Variants in ABLIM1 observed in about 807,000 individuals in gnomAD.
ABLIM1 encodes actin-binding LIM protein 1.
ABLIM1 carries 40 observed loss-of-function variants against 107.0 expected under a neutral mutation model. The ratio of observed to expected loss-of-function variants is 0.37; its 90% CI spans 0.29 to 0.49. The LOEUF (loss-of-function observed/expected upper bound fraction) is 0.49, where lower values mean the gene tolerates loss of function less well. Ranked by LOEUF, ABLIM1 falls within the 20% of genes least tolerant of loss-of-function variation. The probability of loss-of-function intolerance (pLI) is 0.97; values close to 1 mark genes in which losing one functional copy is unlikely to be tolerated. For synonymous variants in ABLIM1, 357 were observed against 357.3 expected (o/e 1.00, Z 0.01); for missense variants, 857 against 1,008.5 (o/e 0.85, Z 2.04).
intron 4 of ABLIM1, among the ~76,000 whole-genome samples, chr10:114,558,108 T>C (rs1299297193): frequency 2.0e-5 from 3 of 152,160 alleles, no homozygotes; most frequent in Non-Finnish European, 4.4e-5. Context: ...GTCATTGACT[T>C]TCTGTGCAGC....
chr10:114,687,448 C>G (rs998144856), upstream of ABLIM1, among the ~76,000 whole-genome samples: 1 of 152,216 alleles, frequency 6.6e-6, no homozygotes. Context: ...GAGAACAATT[C>G]TCTTCTGCCT....
At chr10:114,791,321 G>T in the ABLIM1 span, among the ~76,000 whole-genome samples, 5 of 152,108 alleles carry the variant, frequency 3.3e-5, no homozygotes, top group African/African-American at 1.2e-4. Flanking sequence ...GCTTTTAAAG[G>T]CCTCTGCTGG....
chr10:114,432,984 CTA>C lies in ABLIM1; in HGVS notation c.*3274_*3275del, dbSNP rs1185470699. On this transcript the variant is annotated 3_prime_UTR_variant, in exon 23 of 23. Transcript: ENST00000533213. ...TCTCCTAATAAGTCACACAGAAAGACTATGTGATAGCCTGGATTTTCTTGAAG... is the reference window on the plus strand; with the variant it reads ...TCTCCTAATAAGTCACACAGAAAGACTGTGATAGCCTGGATTTTCTTGAAG... 1.3e-5 allele frequency: 2 copies of C among 152,152 alleles called. No individual in the cohort carries two copies. Among genetic ancestry groups the C allele is most frequent in the Non-Finnish European group, 2.9e-5 (2 of 68,028 alleles). The allele number at this position is 152,152 out of a possible 1,614,324, so 9.4% of individuals were successfully genotyped here.
intron 2 of ABLIM1, among the ~76,000 whole-genome samples, chr10:114,585,746 G>A (rs2074117477): frequency 6.6e-6 from 1 of 151,986 alleles, no homozygotes; most frequent in Non-Finnish European, 1.5e-5. Flanking sequence ...CAGGCTCCCG[G>A]CCCCTCTCAG....
chr10:114,771,894 T>C (rs2083028970), upstream of ABLIM1, among the ~76,000 whole-genome samples: 1 of 152,230 alleles, frequency 6.6e-6, no homozygotes, highest in African/African-American at 2.4e-5. Flanking sequence ...TAATTTCTAA[T>C]GGAAGGAAAG....
chr10:114,652,436 T>C (rs2079292676), intron 1 of ABLIM1, among the ~76,000 whole-genome samples: 1 of 152,224 alleles, frequency 6.6e-6, no homozygotes, highest in Admixed American at 6.5e-5. Context: ...GTTCTCTCAC[T>C]TACGTGATAC....
chr10:114,656,921 G>A (rs1405577311), intron 1 of ABLIM1, among the ~76,000 whole-genome samples: 1 of 152,214 alleles, frequency 6.6e-6, no homozygotes, highest in African/African-American at 2.4e-5. Flanking sequence ...TGAGAGATGG[G>A]GATGAAGAGG....
intron 2 of ABLIM1, among the ~76,000 whole-genome samples, chr10:114,601,167 AT>A (rs1179953988): frequency 6.6e-6 from 1 of 151,884 alleles, no homozygotes; most frequent in Non-Finnish European, 1.5e-5. Flanking sequence ...ACTAATGGGT[AT>A]TAGGACAAGC....
At chr10:114,451,467 C>A (rs2061885534) in intron 14 of ABLIM1, among the ~76,000 whole-genome samples, 157 bp downstream of exon 14, 1 of 152,152 alleles carries the variant, frequency 6.6e-6, no homozygotes, top group Admixed American at 6.5e-5. Context: ...ATCAATTTTA[C>A]AATATTTACA....
At chr10:114,776,571 C>T in the ABLIM1 span, among the ~76,000 whole-genome samples, 2 of 152,122 alleles carry the variant, frequency 1.3e-5, no homozygotes, top group African/African-American at 2.4e-5. Flanking sequence ...CTAGACTGTG[C>T]CACTGCACTC....
chr10:114,702,600 C>A (rs61869079), intron 1 of ABLIM1, among the ~76,000 whole-genome samples: 1,566 of 149,472 alleles, frequency 0.01, 20 homozygotes, highest in Non-Finnish European at 0.014. Context: ...GATCTCGGCT[C>A]ACTGCAAGCT....
At chr10:114,797,275 C>T in the ABLIM1 span, among the ~76,000 whole-genome samples, 1 of 152,192 alleles carries the variant, frequency 6.6e-6, no homozygotes, top group African/African-American at 2.4e-5. Flanking sequence ...TTCTTCAACT[C>T]CTTTAACTCA....
At chr10:114,701,381 C>G (rs768658663) in intron 1 of ABLIM1, among the ~76,000 whole-genome samples, 1 of 152,084 alleles carries the variant, frequency 6.6e-6, no homozygotes, top group Non-Finnish European at 1.5e-5. Flanking sequence ...TAAATATACA[C>G]CTACCCTCCG....
At chr10:114,632,241 A>T in intron 1 of ABLIM1, 1 of 985,372 alleles carries the variant, frequency 1.0e-6, no homozygotes, top group Non-Finnish European at 1.2e-6. Context: ...CTACTGTCCT[A>T]ATCTCTGGTC....
intron 6 of ABLIM1, among the ~76,000 whole-genome samples, chr10:114,516,806 C>T (rs77507038): frequency 0.063 from 9,642 of 152,302 alleles, 307 homozygotes; most frequent in South Asian, 0.092. Flanking sequence ...ACTCTCAGGG[C>T]TTACAAAAGC....
chr10:114,719,287 T>C (rs1170144597), intron 1 of ABLIM1, among the ~76,000 whole-genome samples: 1 of 152,266 alleles, frequency 6.6e-6, no homozygotes, highest in Non-Finnish European at 1.5e-5. Flanking sequence ...GCCAAGATAC[T>C]GTCCTAGTCC....
intron 6 of ABLIM1, among the ~76,000 whole-genome samples, chr10:114,529,954 G>C (rs982092868): frequency 3.3e-5 from 5 of 152,196 alleles, no homozygotes; most frequent in African/African-American, 1.2e-4. Flanking sequence ...TTGAACCCGG[G>C]AGGCAGAGGT....
At chr10:114,792,096 G>A in the ABLIM1 span, among the ~76,000 whole-genome samples, 8 of 152,142 alleles carry the variant, frequency 5.3e-5, no homozygotes, top group Admixed American at 3.3e-4. Context: ...CAAGGCGGAC[G>A]GATTGCTTGA....
intron 1 of ABLIM1, among the ~76,000 whole-genome samples, chr10:114,644,875 G>A (rs879383099): frequency 3.3e-5 from 5 of 152,300 alleles, no homozygotes; most frequent in South Asian, 4.1e-4. Context: ...CCAGACGGGC[G>A]GGAAGAGAAT....
Sources: gnomAD v4.1 joint callset for allele counts (sites outside exome capture counted in the v4.1 genomes callset) on GRCh38, gnomAD v4.1.1 for gene constraint, MANE v1.5 for transcripts, NCBI Gene and HGNC (gene_info 2026-07-23, HGNC 2026-07-21) for gene names.